The following RRP12 variants were observed in gnomAD, a reference collection of about 807,000 sequenced individuals.
The protein encoded by RRP12 is RRP12-like protein.
RRP12 carries 78 observed loss-of-function variants against 157.3 expected under a neutral mutation model. That is an observed-to-expected ratio of 0.50 (90% confidence interval 0.41 to 0.60). The LOEUF (loss-of-function observed/expected upper bound fraction) is 0.60. RRP12 is among the 20% of genes least tolerant of loss of function. The pLI is 0.00. For synonymous variants in RRP12, 726 were observed against 670.9 expected (o/e 1.08, Z -1.27); for missense variants, 1,521 against 1,679.9 (o/e 0.91, Z 1.65).
rs1192872601 is a variant in RRP12, at chr10:97,401,289, A to T, written c.-58T>A. The stretch of plus-strand genomic sequence containing the variant: ...ATGACCGGCTTCCAGGGACGTAGAA[A>T]CACGCTCAGAACCCACGTGGATACC... On this transcript the variant is annotated 5_prime_UTR_variant, in exon 1 of 34. Transcript: ENST00000370992. 1 of 1,607,656 alleles carries T rather than the reference A, an allele frequency of 6.2e-7. No individual in the cohort carries two copies. The highest frequency in any genetic ancestry group is 1.3e-5 in the African/African-American group (1 of 74,790).
rs1305192938 is a variant in RRP12 at position 97,380,854 on chromosome 10, A to G, written c.1478T>C (p.Leu493Pro). Residue 493 changes from leucine (L) to proline (P), a missense_variant, in exon 13 of 34, where the codon CTG (leucine) becomes CCG (proline). Coordinates refer to ENST00000370992, the MANE Select transcript of RRP12 (RefSeq NM_015179.4). ...FHAAWSSVLQLLCVFFEACGR... is the reference protein window; with the variant it reads ...FHAAWSSVLQPLCVFFEACGR... ...ACACGCCTCGAAGAAGACACACAGCAGCTGCAACACGGAGCTCCAGGCCGC... is the reference window on the plus strand; with the variant it reads ...ACACGCCTCGAAGAAGACACACAGCGGCTGCAACACGGAGCTCCAGGCCGC... The G allele has an allele frequency of 6.2e-7, 1 of 1,614,208 alleles. No individual in the cohort carries two copies.
intron 9 of RRP12, 80 bp downstream of exon 9, chr10:97,385,815 G>T: frequency 9.7e-7 from 1 of 1,027,424 alleles, no homozygotes. Context: ...TAGACAAGGC[G>T]CAGGGCCAGT....
At chr10:97,385,757 T>C in intron 9 of RRP12, 138 bp downstream of exon 9, 1 of 634,754 alleles carries the variant, frequency 1.6e-6, no homozygotes, top group East Asian at 2.7e-5. Flanking sequence ...CTTCCCCTTC[T>C]ACTGGCCTCT....
Position 97,358,588 on chromosome 10 carries a change from C to A in RRP12, c.3740G>T (p.Arg1247Leu). The change falls in exon 33 of 34, where the codon CGG (arginine) becomes CTG (leucine). Residue 1247 changes from arginine (R) to leucine (L), a missense_variant. By Grantham distance (102) the Arg-to-Leu change is moderately radical. Transcript: ENST00000370992. The stretch of plus-strand genomic sequence containing the variant: ...GGGGATGTAGGCATAGGGATCCGGC[C>A]GGCCTTTCTTCTTCACATCACCTTT... ...KAKGDVKKKG[R>L]PDPYAYIPLN... The A allele has an allele frequency of 6.2e-7, 1 of 1,613,952 alleles. No homozygotes were observed. The highest frequency in any genetic ancestry group is 8.5e-7 in the Non-Finnish European group (1 of 1,179,938).
chr10:97,368,205 AT>A (rs1844044657), intron 25 of RRP12, among the ~76,000 whole-genome samples: 1 of 143,186 alleles, frequency 7.0e-6, no homozygotes. Flanking sequence ...TAATTTTTGT[AT>A]TTTTTAGTAG....
chr10:97,366,567 T>TTCC lies in RRP12; in HGVS notation c.3267_3269dup (p.Glu1090dup). 6.2e-7 allele frequency: 1 copy of TTCC among 1,614,102 alleles called. No homozygotes were observed. Reference sequence around the variant, plus strand: ...TCCGCTGCTCCTTGCCTCGGCTTCTTTCCTCCTCCTCATTGTCCTCCTCGT... The same window carrying TTCC: ...TCCGCTGCTCCTTGCCTCGGCTTCTTTCCTCCTCCTCCTCATTGTCCTCCTCGT... On this transcript the variant is annotated inframe_insertion, in exon 28 of 34. Coordinates refer to ENST00000370992, the MANE Select transcript of RRP12 (RefSeq NM_015179.4).
At chr10:97,373,438 G>T in intron 17 of RRP12, 137 bp downstream of exon 17, 1 of 1,103,300 alleles carries the variant, frequency 9.1e-7, no homozygotes. Context: ...CCTGGGGTCT[G>T]CAGCAGAAGC....
intron 6 of RRP12, among the ~76,000 whole-genome samples, chr10:97,389,306 G>T (rs1844733921): frequency 1.3e-5 from 2 of 152,068 alleles, no homozygotes; most frequent in Admixed American, 6.6e-5. Flanking sequence ...TGTTAGCCAG[G>T]ATGGTCTCGA....
At chr10:97,387,396 T>C (rs1844665347) in intron 8 of RRP12, among the ~76,000 whole-genome samples, 1 of 150,466 alleles carries the variant, frequency 6.6e-6, no homozygotes, top group Admixed American at 6.6e-5. Context: ...TGCAGTGGCA[T>C]GACCATGGCT....
intron 3 of RRP12, among the ~76,000 whole-genome samples, chr10:97,395,093 T>G (rs1180698812): frequency 3.3e-5 from 5 of 151,506 alleles, no homozygotes; most frequent in Admixed American, 3.3e-4. Flanking sequence ...CAGTGAGCCA[T>G]GATCACACCA....
intron 15 of RRP12, 94 bp downstream of exon 15, chr10:97,379,199 G>C: frequency 7.1e-7 from 1 of 1,415,720 alleles, no homozygotes; most frequent in Non-Finnish European, 9.9e-7. Context: ...TGAAGGCTGG[G>C]TGTGTGGGAC....
intron 30 of RRP12, among the ~76,000 whole-genome samples, chr10:97,363,459 TC>T (rs747304838): frequency 0.042 from 6,388 of 152,236 alleles, 221 homozygotes; most frequent in Non-Finnish European, 0.063. Flanking sequence ...CTCTGTACGC[TC>T]CTCTGGTCAC....
intron 12 of RRP12, 132 bp from the exon 13 acceptor site, chr10:97,381,045 C>T: frequency 3.1e-6 from 2 of 652,100 alleles, no homozygotes; most frequent in East Asian, 2.7e-5. Flanking sequence ...GGAGAGACAA[C>T]AGAAGAGAAC....
chr10:97,366,204 T>C lies in RRP12; in HGVS notation c.3421A>G (p.Lys1141Glu), dbSNP rs763504076. 14 of 1,611,448 alleles carry C rather than the reference T, an allele frequency of 8.7e-6. No individual in the cohort carries two copies. The highest frequency in any genetic ancestry group is 1.2e-5 in the Non-Finnish European group (14 of 1,179,978). The part of the protein sequence containing the change: ...ATQPGPGRGR[K>E]KDHGFKVSAD... ...CTCACCTTGAAGCCGTGGTCCTTCTTCCTGCCCCGGCCTGGCCCTGGCTGC... is the reference window on the plus strand; with the variant it reads ...CTCACCTTGAAGCCGTGGTCCTTCTCCCTGCCCCGGCCTGGCCCTGGCTGC... The change falls in exon 29 of 34, where the codon AAG becomes GAG. Residue 1141 changes from lysine to glutamate, a missense_variant. Lys to Glu is a moderately conservative substitution (Grantham distance 56). Coordinates refer to ENST00000370992, the MANE Select transcript of RRP12 (RefSeq NM_015179.4).
At position 97,388,373 on chromosome 10, in the gene RRP12, T is replaced by C. The variant is rs765072310; in HGVS notation, c.896A>G (p.Lys299Arg). 1.1e-5 allele frequency: 17 copies of C among 1,613,768 alleles called. No individual in the cohort carries two copies. Among genetic ancestry groups the C allele is most frequent in the Admixed American group, 1.7e-5 (1 of 59,972 alleles). ...IQEIEKSGGS[K>R]EATTTLHMLT... ...CATGTGCAGCGTGGTGGTGGCCTCC[T>C]TGGAGCCTGGTATACAGAAGAGGAA... The change falls in exon 8 of 34, where the codon AAG becomes AGG. Residue 299 changes from lysine to arginine, a missense_variant. Physicochemically the swap from Lys to Arg is conservative, Grantham distance 26 (BLOSUM62 2). Coordinates refer to ENST00000370992, the MANE Select transcript of RRP12 (RefSeq NM_015179.4).
At chr10:97,386,918 A>G (rs1290517124) in intron 8 of RRP12, among the ~76,000 whole-genome samples, 1 of 152,050 alleles carries the variant, frequency 6.6e-6, no homozygotes, top group Non-Finnish European at 1.5e-5. Flanking sequence ...TGAACCCGGA[A>G]GGCGGAGTTT....
rs765564787 is a variant in RRP12 at position 97,367,050 on chromosome 10, C to T, written c.3038G>A (p.Arg1013His). The change falls in exon 26 of 34, where the codon CGC becomes CAC. Residue 1013 changes from arginine to histidine, a missense_variant. Coordinates refer to ENST00000370992, the MANE Select transcript of RRP12 (RefSeq NM_015179.4). ...TGCTCAGTGCACAGACCCAAACTTG[C>T]GGATGAACTTGGTGAACAGGTTCCG... ...KLRNLFTKFI[R>H]KFGFELVKRL... 1.7e-5 allele frequency: 27 copies of T among 1,614,036 alleles called. No homozygotes were observed. Among genetic ancestry groups the T allele is most frequent in the Middle Eastern group, 3.3e-4 (2 of 6,084 alleles).
Position 97,373,854 on chromosome 10 carries a change from C to T in RRP12, c.1839G>A (p.Lys613=). The change falls in exon 16 of 34, where the codon AAG becomes AAA. Residue 613 remains lysine, a synonymous_variant. Transcript: ENST00000370992. ...LAQAGSTVES[K]IYDTLQWQMW... is the part of the protein sequence containing the mutation. ...CCTGCCACTGGAGTGTGTCGTAGATCTTAGATTCCACTGTGCTGCCTGCCT... is the reference window on the plus strand; with the variant it reads ...CCTGCCACTGGAGTGTGTCGTAGATTTTAGATTCCACTGTGCTGCCTGCCT... 6.2e-7 allele frequency: 1 copy of T among 1,613,864 alleles called. No homozygotes were observed. The highest frequency in any genetic ancestry group is 8.5e-7 in the Non-Finnish European group (1 of 1,179,936).
intron 6 of RRP12, among the ~76,000 whole-genome samples, 194 bp downstream of exon 6, chr10:97,390,229 A>C (rs1249162011): frequency 1.3e-5 from 2 of 152,232 alleles, no homozygotes; most frequent in Non-Finnish European, 2.9e-5. Context: ...TAGGGCTGAC[A>C]GGGAACAGCC....
Sources: allele counts gnomAD v4.1 joint callset (sites outside exome capture counted in the v4.1 genomes callset), GRCh38; gene constraint gnomAD v4.1.1; transcripts MANE v1.5; gene names NCBI Gene and HGNC (gene_info 2026-07-23, HGNC 2026-07-21).